CD55: variants seen among roughly 807,000 people sequenced by gnomAD.
CD55 encodes the protein CD55 molecule (Cromer blood group).
A neutral mutation model predicts 45.8 loss-of-function variants in CD55; 41 were observed. That is an observed-to-expected ratio of 0.90 (90% confidence interval 0.70 to 1.16). The LOEUF (loss-of-function observed/expected upper bound fraction) is 1.16, where lower values mean the gene tolerates loss of function less well. Ranked by LOEUF, CD55 falls within the 50% of genes most tolerant of loss-of-function variation. CD55 has a pLI of 0.00. For synonymous variants in CD55, 181 were observed against 181.1 expected (o/e 1.00, Z 0.01); for missense variants, 416 against 469.8 (o/e 0.89, Z 1.06).
At chr1:207,324,986 T>C (rs1413236744) in intron 3 of CD55, among the ~76,000 whole-genome samples, 1 of 152,166 alleles carries the variant, frequency 6.6e-6, no homozygotes, top group African/African-American at 2.4e-5. Flanking sequence ...AAAACAAGTA[T>C]ATATTCTAAA....
chr1:207,322,460 T>C lies in CD55; in HGVS notation c.179T>C (p.Val60Ala), dbSNP rs1654462600. The change falls in exon 2 of 10, where the codon GTA (valine) becomes GCA (alanine). Residue 60 changes from valine (V) to alanine (A), a missense_variant. By Grantham distance (64) the Val-to-Ala change is moderately conservative (BLOSUM62 0). Coordinates refer to ENST00000367064, the MANE Select transcript of CD55 (RefSeq NM_000574.5). ...CGTACAAGTTTTCCCGAGGATACTG[T>C]AATAACGTACAAATGTGAAGAAAGC... ...EGRTSFPEDT[V>A]ITYKCEESFV... 1 of 1,614,112 alleles carries C rather than the reference T, an allele frequency of 6.2e-7. No individual in the cohort carries two copies. Among genetic ancestry groups the C allele is most frequent in the Non-Finnish European group, 8.5e-7 (1 of 1,180,026 alleles).
At chr1:207,357,705 T>C (rs1656130339) in intron 9 of CD55, among the ~76,000 whole-genome samples, 1 of 152,098 alleles carries the variant, frequency 6.6e-6, no homozygotes, top group South Asian at 2.1e-4. Flanking sequence ...ATTAAGGACA[T>C]AAAGTACTGG....
intron 9 of CD55, among the ~76,000 whole-genome samples, chr1:207,354,857 T>C (rs539509360): frequency 3.3e-5 from 5 of 152,374 alleles, no homozygotes; most frequent in African/African-American, 1.2e-4. Context: ...TCTAGAACTA[T>C]GTATATGTGT....
intron 9 of CD55, among the ~76,000 whole-genome samples, chr1:207,344,407 CTCATGGTGATGAATTCCA>C (rs1173700272): frequency 6.6e-6 from 1 of 152,190 alleles, no homozygotes; most frequent in East Asian, 1.9e-4. Flanking sequence ...TGTAAGCCAT[CTCATGGTGATGAATTCCA>C]TCATGGTGAT....
intron 8 of CD55, 123 bp from the exon 9 acceptor site, chr1:207,339,274 G>A (rs766271165): frequency 3.0e-6 from 2 of 675,024 alleles, no homozygotes; most frequent in Admixed American, 5.3e-5. Flanking sequence ...TATTTCATTT[G>A]TGGAAATTTG....
At chr1:207,335,528 C>CT (rs1655134569) in intron 6 of CD55, among the ~76,000 whole-genome samples, 1 of 152,110 alleles carries the variant, frequency 6.6e-6, no homozygotes, top group Non-Finnish European at 1.5e-5. Context: ...TGGATCAAAA[C>CT]TGAGAACTAA....
At chr1:207,322,830 G>C (rs1347607323) in intron 2 of CD55, among the ~76,000 whole-genome samples, 1 of 152,164 alleles carries the variant, frequency 6.6e-6, no homozygotes, top group Non-Finnish European at 1.5e-5. Flanking sequence ...GTATTGTTTA[G>C]GGAGTAAACA....
At chr1:207,322,078 C>T (rs1217855173) in intron 1 of CD55, among the ~76,000 whole-genome samples, 2 of 152,128 alleles carry the variant, frequency 1.3e-5, no homozygotes, top group Non-Finnish European at 2.9e-5. Context: ...CTTTAGGGGT[C>T]GGCGTGGAGG....
chr1:207,326,693 G>C, intron 4 of CD55, 59 bp from the exon 5 acceptor site: 1 of 1,254,620 alleles, frequency 8.0e-7, no homozygotes, highest in South Asian at 1.2e-5. Flanking sequence ...TGGAGAATTT[G>C]AGGAAAGTCA....
chr1:207,326,846 T>TA lies in CD55; in HGVS notation c.664+15dup. 3 of 1,594,766 alleles carry TA rather than the reference T, an allele frequency of 1.9e-6. No homozygotes were observed. The highest frequency in any genetic ancestry group is 2.6e-6 in the Non-Finnish European group (3 of 1,163,622). The stretch of plus-strand genomic sequence containing the variant: ...GTTGCCAGAGTGCAGAGGTAAGAGT[T>TA]AAAAAATCTAAGCACTCAGATTGTG... On this transcript the variant is annotated intron_variant, in intron 5 of 9. Transcript: ENST00000367064.
chr1:207,338,078 A>G (rs1655264233), intron 8 of CD55, among the ~76,000 whole-genome samples: 1 of 152,192 alleles, frequency 6.6e-6, no homozygotes, highest in South Asian at 2.1e-4. Flanking sequence ...TTTAAACATT[A>G]TGGATGTTAT....
chr1:207,332,026 C>T (rs1410967424), intron 6 of CD55, among the ~76,000 whole-genome samples: 1 of 151,662 alleles, frequency 6.6e-6, no homozygotes, highest in African/African-American at 2.4e-5. Context: ...TTAAAAATTC[C>T]TTATTAAAAT....
In CD55 at chr1:207,357,958, GTCTC is replaced by G. The variant is rs567942535; in HGVS notation, c.1082-1577_1082-1574del. Among the ~76,000 whole-genome samples, 18 of 151,930 alleles carry G rather than the reference GTCTC, an allele frequency of 1.2e-4. No individual in the cohort carries two copies. In the East Asian group the frequency reaches 2.7e-3, roughly 23 times the overall value. On this transcript the variant is annotated intron_variant, in intron 9 of 9. Transcript: ENST00000367064. ...TTGTAGCAAAAGTTATGTGAATGGG[GTCTC>G]TCTCTCTCTCAAAATATCTTATTGT...
intron 7 of CD55, 109 bp downstream of exon 7, chr1:207,336,927 T>C (rs538695077): frequency 3.1e-6 from 4 of 1,295,824 alleles, no homozygotes; most frequent in East Asian, 4.7e-5. Flanking sequence ...CCAGCTACAA[T>C]AGTCACACCA....
intron 9 of CD55, among the ~76,000 whole-genome samples, chr1:207,351,589 T>A (rs932170048): frequency 6.6e-6 from 1 of 152,206 alleles, no homozygotes; most frequent in South Asian, 2.1e-4. Context: ...TTATTGTGGT[T>A]ATTTTATATT....
At chr1:207,346,940 T>A (rs1460145587) in intron 9 of CD55, among the ~76,000 whole-genome samples, 1 of 152,170 alleles carries the variant, frequency 6.6e-6, no homozygotes, top group African/African-American at 2.4e-5. Flanking sequence ...GAATGTGGAC[T>A]GCTGGGGTTC....
intron 7 of CD55, 138 bp from the exon 8 acceptor site, chr1:207,337,191 T>TA: frequency 1.5e-6 from 1 of 661,208 alleles, no homozygotes; most frequent in East Asian, 2.6e-5. Flanking sequence ...CAGGCCACAC[T>TA]AACAGCCCAA....
intron 9 of CD55, among the ~76,000 whole-genome samples, chr1:207,352,870 T>A (rs761277816): frequency 2.6e-5 from 4 of 152,026 alleles, no homozygotes; most frequent in Admixed American, 6.6e-5. Context: ...AGTACTGTAC[T>A]GATTTTTTTT....
chr1:207,337,008 T>C, intron 7 of CD55, 190 bp downstream of exon 7: 1 of 664,002 alleles, frequency 1.5e-6, no homozygotes, highest in Non-Finnish European at 2.6e-6. Context: ...AGACACACCA[T>C]AGTAAATGTT....
Sources: gnomAD v4.1 joint callset for allele counts (sites outside exome capture counted in the v4.1 genomes callset) on GRCh38, gnomAD v4.1.1 for gene constraint, MANE v1.5 for transcripts, NCBI Gene and HGNC (gene_info 2026-07-23, HGNC 2026-07-21) for gene names.